Variants in MUC17 observed in about 807,000 individuals in gnomAD.
MUC17 encodes mucin 17, cell surface associated.
In MUC17, 190 loss-of-function variants were observed where a neutral mutation model predicts 170.3. The observed-to-expected ratio is 1.12, with a 90% CI of 0.99 to 1.26. The LOEUF is 1.26. Among genes scored for constraint, MUC17 ranks in the 50% most tolerant of loss-of-function variants. The pLI is 0.00. For missense variants in MUC17, 6,415 were observed against 5,530.0 expected (o/e 1.16, Z -5.08); for synonymous variants, 2,325 against 2,002.5 (o/e 1.16, Z -4.30).
At chr7:101,029,662 G>A (rs988350880) in intron 1 of MUC17, among the ~76,000 whole-genome samples, 2 of 151,798 alleles carry the variant, frequency 1.3e-5, no homozygotes, top group South Asian at 2.1e-4. Flanking sequence ...GCAGTGGCAC[G>A]ATCTCAGCTC....
Position 101,034,367 on chromosome 7 carries a change from C to T in MUC17, c.2951C>T (p.Pro984Leu), listed in dbSNP as rs745628675. The T allele has an allele frequency of 3.7e-6, 6 of 1,608,842 alleles. No individual in the cohort carries two copies. The highest frequency in any genetic ancestry group is 2.7e-5 in the African/African-American group (2 of 74,628). The change falls in exon 3 of 13, where the codon CCA becomes CTA. Residue 984 changes from proline (P) to leucine (L), a missense_variant. Transcript: ENST00000306151. ...TCGACTCCTAGTGAAGGAACGACTC[C>T]ATTAACAAGCACACCTGTCAGCCAC... ...PTSTPSEGTT[P>L]LTSTPVSHTL...
Position 101,034,932 on chromosome 7 carries a change from G to A in MUC17, c.3516G>A (p.Val1172=), listed in dbSNP as rs772594526. The change falls in exon 3 of 13, where the codon GTG becomes GTA. Residue 1172 remains valine, a synonymous_variant. Coordinates refer to ENST00000306151, the MANE Select transcript of MUC17 (RefSeq NM_001040105.2). The part of the protein sequence containing the change: ...LASMPVSTTL[V]VSSEANTLST... Reference sequence around the variant, plus strand: ...GTATGCCTGTCAGCACCACGCTGGTGGTCAGTTCTGAGGCTAACACCCTTT... The same window carrying A: ...GTATGCCTGTCAGCACCACGCTGGTAGTCAGTTCTGAGGCTAACACCCTTT... The A allele has an allele frequency of 6.2e-6, 10 of 1,613,982 alleles. No homozygotes were observed. Among genetic ancestry groups the A allele is most frequent in the African/African-American group, 1.3e-5 (1 of 74,932 alleles).
At chr7:101,031,529 A>G in intron 2 of MUC17, 72 bp from the exon 3 acceptor site, 1 of 1,439,362 alleles carries the variant, frequency 6.9e-7, no homozygotes, top group Non-Finnish European at 9.3e-7. Flanking sequence ...AAAAAGCCCA[A>G]CTACAACAAT....
rs765508845 is a variant in MUC17, at chr7:101,034,458, G to C, written c.3042G>C (p.Leu1014Phe). The C allele has an allele frequency of 1.4e-5, 22 of 1,608,584 alleles. No homozygotes were observed. In the African/African-American group the frequency reaches 1.7e-4, roughly 13 times the overall value. Residue 1014 changes from leucine to phenylalanine, a missense_variant, in exon 3 of 13, where the codon TTG becomes TTC. Leu to Phe is a conservative substitution (Grantham distance 22). Transcript: ENST00000306151. ...STTPVDSNTP[L>F]TTSTEASSPP... is the part of the protein sequence containing the mutation. The stretch of plus-strand genomic sequence containing the variant: ...CTCCTGTTGACTCCAACACTCCTTT[G>C]ACCACTTCTACTGAAGCCAGTTCAC...
In MUC17 at chr7:101,058,143, C is replaced by A; in HGVS notation, c.*99C>A. 1.8e-6 allele frequency: 2 copies of A among 1,097,188 alleles called. No individual in the cohort carries two copies. The highest frequency in any genetic ancestry group is 2.8e-6 in the Non-Finnish European group (2 of 717,268). 68.0% of individuals were successfully genotyped at this position (1,097,188 alleles called of 1,614,324 possible). On this transcript the variant is annotated 3_prime_UTR_variant, in exon 13 of 13. Transcript: ENST00000306151. ...GAGCCTTCCATGGGAACTCAATGTTCCCATTGTAAGTACAGGAAACAAGCC... is the reference window on the plus strand; with the variant it reads ...GAGCCTTCCATGGGAACTCAATGTTACCATTGTAAGTACAGGAAACAAGCC...
intron 7 of MUC17, among the ~76,000 whole-genome samples, chr7:101,050,914 G>A (rs747239204): frequency 3.3e-5 from 5 of 152,162 alleles, no homozygotes; most frequent in South Asian, 2.1e-4. Context: ...CCAGGAATTC[G>A]TCCCGGAACC....
chr7:101,021,451 G>A (rs1364408450), intron 1 of MUC17, among the ~76,000 whole-genome samples: 2 of 152,136 alleles, frequency 1.3e-5, no homozygotes, highest in African/African-American at 2.4e-5. Flanking sequence ...GGCTCCCAAA[G>A]TGCTGGGATT....
Position 101,036,102 on chromosome 7 carries a change from C to G in MUC17, c.4686C>G (p.Ser1562Arg). The change falls in exon 3 of 13, where the codon AGC becomes AGG. Residue 1562 changes from serine (S) to arginine (R), a missense_variant. Ser to Arg is a moderately radical substitution (Grantham distance 110). Coordinates refer to ENST00000306151, the MANE Select transcript of MUC17 (RefSeq NM_001040105.2). Reference sequence around the variant, plus strand: ...CTCCTACAACTGCTGACGGTACCAGCATGCAAACCTCAACTTATAGTGAAG... The same window carrying G: ...CTCCTACAACTGCTGACGGTACCAGGATGCAAACCTCAACTTATAGTGAAG... ...SSSPTTADGT[S>R]MQTSTYSEGS... The G allele has an allele frequency of 6.2e-7, 1 of 1,612,298 alleles. No homozygotes were observed. Among genetic ancestry groups the G allele is most frequent in the Non-Finnish European group, 8.5e-7 (1 of 1,178,746 alleles).
At position 101,041,177 on chromosome 7, in the gene MUC17, C is replaced by T. The variant is rs1562817022; in HGVS notation, c.9761C>T (p.Thr3254Ile). The change falls in exon 3 of 13, where the codon ACC becomes ATC. Residue 3254 changes from threonine (T) to isoleucine (I), a missense_variant. Thr to Ile is a moderately conservative substitution (Grantham distance 89). Coordinates refer to ENST00000306151, the MANE Select transcript of MUC17 (RefSeq NM_001040105.2). ...CCTGTTGACTCCAACACTCCTTTGA[C>T]CACTTCTACTGAAGCCAGTTCATCT... is the stretch of plus-strand genomic sequence containing the variant. Reference protein sequence around the residue: ...TTPVDSNTPLTTSTEASSSPP... With the variant: ...TTPVDSNTPLITSTEASSSPP... The T allele has an allele frequency of 6.2e-7, 1 of 1,612,802 alleles. No individual in the cohort carries two copies. Among genetic ancestry groups the T allele is most frequent in the Non-Finnish European group, 8.5e-7 (1 of 1,179,664 alleles).
chr7:101,043,336 C>G lies in MUC17; in HGVS notation c.11920C>G (p.Pro3974Ala). Residue 3974 changes from proline (P) to alanine (A), a missense_variant, in exon 3 of 13, where the codon CCA becomes GCA. Coordinates refer to ENST00000306151, the MANE Select transcript of MUC17 (RefSeq NM_001040105.2). ...GATAACTTCCACTGAACTAAACACA[C>G]CATCAACCTCCAGTAGTAGTACCAC... Reference protein sequence around the residue: ...PVITSTELNTPSTSSSSTTTS... With the variant: ...PVITSTELNTASTSSSSTTTS... 1 of 1,614,164 alleles carries G rather than the reference C, an allele frequency of 6.2e-7. No individual in the cohort carries two copies. Among genetic ancestry groups the G allele is most frequent in the African/African-American group, 1.3e-5 (1 of 75,018 alleles).
At chr7:101,049,520 A>G in intron 6 of MUC17, 138 bp downstream of exon 6, 1 of 1,204,188 alleles carries the variant, frequency 8.3e-7, no homozygotes, top group Non-Finnish European at 1.2e-6. Context: ...GGCGGCTTAA[A>G]CAACAGAAAT....
chr7:101,047,331 C>T (rs1794859749), intron 3 of MUC17, among the ~76,000 whole-genome samples: 1 of 152,130 alleles, frequency 6.6e-6, no homozygotes, highest in Admixed American at 6.5e-5. Flanking sequence ...CTGTGTCGCT[C>T]ACCTCTCACA....
rs748748210 is a variant in MUC17 at position 101,035,090 on chromosome 7, C to T, written c.3674C>T (p.Pro1225Leu). The change falls in exon 3 of 13, where the codon CCT becomes CTT. Residue 1225 changes from proline (P) to leucine (L), a missense_variant. Transcript: ENST00000306151. ...GERSTPLTSM[P>L]VRHTPVASSE... The stretch of plus-strand genomic sequence containing the variant: ...AGAAGCACTCCATTAACAAGTATGC[C>T]TGTCAGACACACGCCAGTGGCCAGT... 4.3e-6 allele frequency: 7 copies of T among 1,612,218 alleles called. No individual in the cohort carries two copies. The highest frequency in any genetic ancestry group is 1.1e-5 in the South Asian group (1 of 90,820).
rs774962737 is a variant in MUC17, at chr7:101,037,329, T to G, written c.5913T>G (p.Asp1971Glu). The change falls in exon 3 of 13, where the codon GAT becomes GAG. Residue 1971 changes from aspartate to glutamate, a missense_variant. By Grantham distance (45) the Asp-to-Glu change is conservative. Coordinates refer to ENST00000306151, the MANE Select transcript of MUC17 (RefSeq NM_001040105.2). ...CCAGTTCATCTCCTACAACTGCTGA[T>G]GGTACCAGCATGCCAACCCCAGCTT... ...SQASSSPTTA[D>E]GTSMPTPAYS... is the part of the protein sequence containing the mutation. 3.1e-6 allele frequency: 5 copies of G among 1,611,158 alleles called. No homozygotes were observed. Among genetic ancestry groups the G allele is most frequent in the Non-Finnish European group, 4.2e-6 (5 of 1,179,188 alleles).
rs73168389 is a variant in MUC17 at position 101,035,200 on chromosome 7, A to T, written c.3784A>T (p.Thr1262Ser). ...TGCTGAAACCAGTTCCTCTCCTACAACCGCTGAAGGTACCAGCTTGCCAAC... is the reference window on the plus strand; with the variant it reads ...TGCTGAAACCAGTTCCTCTCCTACATCCGCTGAAGGTACCAGCTTGCCAAC... ...TSAETSSSPT[T>S]AEGTSLPTST... The change falls in exon 3 of 13, where the codon ACC (threonine) becomes TCC (serine). Residue 1262 changes from threonine to serine, a missense_variant. Coordinates refer to ENST00000306151, the MANE Select transcript of MUC17 (RefSeq NM_001040105.2). 0.072 allele frequency: 105,613 copies of T among 1,461,316 alleles called. No homozygotes were observed. Among genetic ancestry groups the T allele is most frequent in the African/African-American group, 0.23 (15,393 of 67,450 alleles). The allele number at this position is 1,461,316 out of a possible 1,614,324, so 90.5% of individuals were successfully genotyped here.
In MUC17 at chr7:101,032,158, A is replaced by T. The variant is rs761144835; in HGVS notation, c.742A>T (p.Thr248Ser). Residue 248 changes from threonine to serine, a missense_variant, in exon 3 of 13, where the codon ACC (threonine) becomes TCC (serine). By Grantham distance (58) the Thr-to-Ser change is moderately conservative. Transcript: ENST00000306151. ...TTPVEISTPV[T>S]ISAQASSSPT... is the part of the protein sequence containing the mutation. ...TCCTGTTGAAATCAGCACACCTGTG[A>T]CCATTTCTGCTCAAGCCAGTTCATC... 6.2e-7 allele frequency: 1 copy of T among 1,613,858 alleles called. No homozygotes were observed. The highest frequency in any genetic ancestry group is 1.3e-5 in the African/African-American group (1 of 74,922).
intron 9 of MUC17, among the ~76,000 whole-genome samples, chr7:101,052,658 T>G (rs1457175202): frequency 6.6e-6 from 1 of 152,012 alleles, no homozygotes; most frequent in Non-Finnish European, 1.5e-5. Context: ...AGGAGGTTAA[T>G]GGGTGGATGC....
rs373737221 is a variant in MUC17 at position 101,034,268 on chromosome 7, C to A, written c.2852C>A (p.Thr951Asn). 1 of 1,608,944 alleles carries A rather than the reference C, an allele frequency of 6.2e-7. No individual in the cohort carries two copies. The highest frequency in any genetic ancestry group is 1.1e-5 in the South Asian group (1 of 90,116). Residue 951 changes from threonine (T) to asparagine (N), a missense_variant, in exon 3 of 13, where the codon ACC (threonine) becomes AAC (asparagine). Thr to Asn is a moderately conservative substitution (Grantham distance 65). Transcript: ENST00000306151. The part of the protein sequence containing the change: ...ARTLSATPVD[T>N]STPVTTSTEA... ...ACACTTTCAGCAACTCCTGTTGACA[C>A]CAGCACACCTGTGACCACTTCTACT...
In MUC17 at chr7:101,041,975, C is replaced by A; in HGVS notation, c.10559C>A (p.Thr3520Lys). ...GCTGGTGAAGGAAGCACTCCATTAA[C>A]AAATATGCCTGTCAGCACCACACCG... is the stretch of plus-strand genomic sequence containing the variant. ...STAGEGSTPL[T>K]NMPVSTTPVA... is the part of the protein sequence containing the mutation. Residue 3520 changes from threonine to lysine, a missense_variant, in exon 3 of 13, where the codon ACA (threonine) becomes AAA (lysine). Physicochemically the swap from Thr to Lys is moderately conservative, Grantham distance 78. Transcript: ENST00000306151. 1 of 1,613,300 alleles carries A rather than the reference C, an allele frequency of 6.2e-7. No homozygotes were observed. The highest frequency in any genetic ancestry group is 1.1e-5 in the South Asian group (1 of 91,052).
Sources: allele counts gnomAD v4.1 joint callset (sites outside exome capture counted in the v4.1 genomes callset), GRCh38; gene constraint gnomAD v4.1.1; transcripts MANE v1.5; gene names NCBI Gene and HGNC (gene_info 2026-07-23, HGNC 2026-07-21).